The following ZRANB3 variants were observed in gnomAD, a reference collection of about 807,000 sequenced individuals.
ZRANB3 encodes the protein zinc finger RANBP2-type containing 3, also known as DNA annealing helicase and endonuclease ZRANB3.
Under a neutral mutation model 133.8 loss-of-function variants are expected in ZRANB3, and 125 were observed. The observed-to-expected ratio is 0.93, with a 90% CI of 0.81 to 1.08. The LOEUF is 1.08. ZRANB3 is among the 50% of genes least tolerant of loss of function. ZRANB3 has a pLI of 0.00. For missense variants in ZRANB3, 1,229 were observed against 1,275.5 expected, an observed-to-expected ratio of 0.96 and a Z score of 0.56; for synonymous variants, 387 against 432.7, an observed-to-expected ratio of 0.89 and a Z score of 1.31.
At chr2:135,344,544 T>A (rs910997668) in intron 6 of ZRANB3, among the ~76,000 whole-genome samples, 1 of 152,168 alleles carries the variant, frequency 6.6e-6, no homozygotes, top group Non-Finnish European at 1.5e-5. Flanking sequence ...GAGACCAGCC[T>A]GGCCAACATG....
At position 135,467,963 on chromosome 2, in the gene ZRANB3, A is replaced by C. The variant is rs1691071957; in HGVS notation, c.161+36366T>G. Among the ~76,000 whole-genome samples the C allele has an allele frequency of 2.0e-5, 3 of 152,238 alleles. No homozygotes were observed. In the South Asian group the frequency reaches 6.2e-4, roughly 31 times the overall value. ...ATACCAGCTCAATATACATGTGTTG[A>C]ATAAATGAGTCTTCTGCAGAATTTA... On this transcript the variant is annotated intron_variant, in intron 2 of 20. Transcript: ENST00000264159.
chr2:135,323,374 T>C (rs1471725480), intron 6 of ZRANB3, among the ~76,000 whole-genome samples: 1 of 152,176 alleles, frequency 6.6e-6, no homozygotes, highest in East Asian at 1.9e-4. Context: ...CACAATCTAA[T>C]TGTTAACATA....
At chr2:135,339,372 C>T (rs1450900287) in intron 6 of ZRANB3, among the ~76,000 whole-genome samples, 1 of 151,974 alleles carries the variant, frequency 6.6e-6, no homozygotes, top group Non-Finnish European at 1.5e-5. Flanking sequence ...CCACTGCACT[C>T]CAGCCTGGGT....
intron 3 of ZRANB3, among the ~76,000 whole-genome samples, chr2:135,353,865 C>A (rs1022803774): frequency 2.2e-4 from 33 of 151,904 alleles, no homozygotes; most frequent in African/African-American, 8.0e-4. Flanking sequence ...ATTAGCTGGG[C>A]GTGGTAGGAC....
rs565197949 is a variant in ZRANB3 at position 135,306,001 on chromosome 2, G to C, written c.966+7488C>G. On this transcript the variant is annotated intron_variant, in intron 8 of 20. Transcript: ENST00000264159. ...ATATGTGATTTGATGTTTTTCTCTT[G>C]CTGCTTTTAGAATTCTCCCTTTGTC... 3.9e-5 allele frequency among the ~76,000 whole-genome samples: 6 copies of C among 152,018 alleles called. No individual in the cohort carries two copies. The South Asian group carries it at 1.2e-3, about 32-fold the overall frequency.
intron 2 of ZRANB3, among the ~76,000 whole-genome samples, chr2:135,413,390 G>T (rs2104957329): frequency 6.6e-6 from 1 of 152,242 alleles, no homozygotes; most frequent in East Asian, 1.9e-4. Context: ...ACAAAACCAG[G>T]TTTTAAGGCC....
At chr2:135,416,861 G>T (rs1177970911) in intron 2 of ZRANB3, among the ~76,000 whole-genome samples, 1 of 152,140 alleles carries the variant, frequency 6.6e-6, no homozygotes, top group East Asian at 1.9e-4. Flanking sequence ...AATGGGGAAA[G>T]GATTCCCTAT....
At chr2:135,348,093 T>C (rs150314991) in intron 5 of ZRANB3, among the ~76,000 whole-genome samples, 100 of 152,010 alleles carry the variant, frequency 6.6e-4, no homozygotes, top group African/African-American at 2.3e-3. Context: ...ATCCCGTCTC[T>C]ACTCAAAATA....
chr2:135,509,114 C>T (rs1693329493), intron 1 of ZRANB3, among the ~76,000 whole-genome samples: 1 of 151,740 alleles, frequency 6.6e-6, no homozygotes, highest in South Asian at 2.1e-4. Context: ...TGCATGCCCA[C>T]CAATGAAAGA....
At chr2:135,437,889 A>G (rs1378683854) in intron 2 of ZRANB3, among the ~76,000 whole-genome samples, 1 of 152,182 alleles carries the variant, frequency 6.6e-6, no homozygotes, top group Non-Finnish European at 1.5e-5. Context: ...CAATCAGCAG[A>G]CTGTGTAAAC....
intron 17 of ZRANB3, among the ~76,000 whole-genome samples, chr2:135,213,803 G>A (rs1224176703): frequency 6.6e-6 from 1 of 152,122 alleles, no homozygotes. Flanking sequence ...GGACTTTACA[G>A]ATATAATTAG....
intron 12 of ZRANB3, among the ~76,000 whole-genome samples, chr2:135,231,511 G>C (rs1321196369): frequency 6.6e-6 from 1 of 152,162 alleles, no homozygotes; most frequent in Non-Finnish European, 1.5e-5. Flanking sequence ...GATAATCCTA[G>C]CACTTTGGGA....
chr2:135,209,086 A>C, intron 17 of ZRANB3, 108 bp from the exon 18 acceptor site: 1 of 1,031,580 alleles, frequency 9.7e-7, no homozygotes. Context: ...AGCAAGCACA[A>C]TTCTATTAAC....
intron 3 of ZRANB3, among the ~76,000 whole-genome samples, chr2:135,376,084 A>G (rs1271946573): frequency 6.6e-6 from 1 of 152,208 alleles, no homozygotes; most frequent in Non-Finnish European, 1.5e-5. Flanking sequence ...CTCTGGGAGA[A>G]TGGCGTGTGA....
intron 3 of ZRANB3, among the ~76,000 whole-genome samples, chr2:135,383,844 G>A (rs1000782237): frequency 6.6e-6 from 1 of 152,124 alleles, no homozygotes; most frequent in African/African-American, 2.4e-5. Flanking sequence ...ATTTAAAGCA[G>A]TGTGTAGAGG....
At chr2:135,207,373 G>C in intron 19 of ZRANB3, 61 bp downstream of exon 19, 2 of 1,491,978 alleles carry the variant, frequency 1.3e-6, no homozygotes, top group South Asian at 2.9e-5. Context: ...ACAAAATAGA[G>C]AGTCAATATT....
chr2:135,396,083 T>C (rs1015860830), intron 2 of ZRANB3, among the ~76,000 whole-genome samples: 21 of 152,178 alleles, frequency 1.4e-4, no homozygotes, highest in African/African-American at 3.1e-4. Flanking sequence ...CTCGACAGCA[T>C]TGATCATCAG....
intron 2 of ZRANB3, among the ~76,000 whole-genome samples, chr2:135,418,465 T>C (rs1688686517): frequency 6.6e-6 from 1 of 152,186 alleles, no homozygotes; most frequent in Non-Finnish European, 1.5e-5. Flanking sequence ...TTTTTTAAAA[T>C]CTAGGGCTTA....
Position 135,485,167 on chromosome 2 carries a change from AC to A in ZRANB3, c.161+19161del, listed in dbSNP as rs1242614324. The stretch of plus-strand genomic sequence containing the variant: ...AACAAACAAAACAAAACAAAACAAA[AC>A]AAAACAAAACAAAACAAAACATAAC... On this transcript the variant is annotated intron_variant, in intron 2 of 20. Coordinates refer to ENST00000264159, the MANE Select transcript of ZRANB3 (RefSeq NM_032143.4). Among the ~76,000 whole-genome samples the A allele has an allele frequency of 2.9e-3, 434 of 149,440 alleles. 2 individuals carry two copies. The highest frequency in any genetic ancestry group is 0.01 in the African/African-American group (410 of 39,600).
Sources: allele counts gnomAD v4.1 joint callset (sites outside exome capture counted in the v4.1 genomes callset), GRCh38; gene constraint gnomAD v4.1.1; transcripts MANE v1.5; gene names NCBI Gene and HGNC (gene_info 2026-07-23, HGNC 2026-07-21).